Variants in ELL3 observed in about 807,000 individuals in gnomAD.
ELL3 encodes the protein elongation factor for RNA polymerase II 3, also known as RNA polymerase II elongation factor ELL3.
Under a neutral mutation model 58.5 loss-of-function variants are expected in ELL3, and 48 were observed. That is an observed-to-expected ratio of 0.82 (90% confidence interval 0.65 to 1.04). ELL3 has a LOEUF of 1.04. Ranked by LOEUF, ELL3 falls within the 50% of genes least tolerant of loss-of-function variation. The pLI is 0.00. For missense variants in ELL3, 458 were observed against 478.4 expected (o/e 0.96, Z 0.40); for synonymous variants, 174 against 173.2 (o/e 1.00, Z -0.04).
chr15:43,775,289 T>C lies in ELL3; in HGVS notation c.645+17A>G. ...TATTAATGTTACAAAAAAAAAGCCC[T>C]TGCCATTCTAACTTACCTTGTCCAG... On this transcript the variant is annotated intron_variant, in intron 6 of 10. Transcript: ENST00000319359. 6.3e-7 allele frequency: 1 copy of C among 1,578,938 alleles called. No homozygotes were observed. Among genetic ancestry groups the C allele is most frequent in the Non-Finnish European group, 8.6e-7 (1 of 1,164,054 alleles).
In ELL3 at chr15:43,774,296, C is replaced by G; in HGVS notation, c.924G>C (p.Glu308Asp). The change falls in exon 9 of 11, where the codon GAG becomes GAC. Residue 308 changes from glutamate to aspartate, a missense_variant. Physicochemically the swap from Glu to Asp is conservative, Grantham distance 45. Transcript: ENST00000319359. The part of the protein sequence containing the change: ...EQQHAYEQDF[E>D]TDYAEYRILH... ...GGATGCGGTATTCAGCATAATCTGTCTCAAAGTCCTGCTCATAGGCATGTT... is the reference window on the plus strand; with the variant it reads ...GGATGCGGTATTCAGCATAATCTGTGTCAAAGTCCTGCTCATAGGCATGTT... 4 of 1,614,220 alleles carry G rather than the reference C, an allele frequency of 2.5e-6. No homozygotes were observed. The South Asian group carries it at 4.4e-5, about 18-fold the overall frequency.
chr15:43,776,261 G>T (rs2141662757), intron 2 of ELL3, 110 bp from the exon 3 acceptor site: 1 of 1,165,314 alleles, frequency 8.6e-7, no homozygotes. Flanking sequence ...GGTCCCACAG[G>T]GCTTGTTAGC....
chr15:43,776,196 C>A (rs1345399926), intron 2 of ELL3, 45 bp from the exon 3 acceptor site: 1 of 1,539,676 alleles, frequency 6.5e-7, no homozygotes. Flanking sequence ...TCAGCCCCTC[C>A]CCCTCCTGCC....
In ELL3 at chr15:43,776,119, G is replaced by A. The variant is rs1284004204; in HGVS notation, c.201C>T (p.Cys67=). The change falls in exon 3 of 11, where the codon TGC becomes TGT. Residue 67 remains cysteine, a synonymous_variant. Transcript: ENST00000319359. ...YLRLPGPGWS[C]LFSFIVSQCC... ...ACTGGGACACTATGAAGGAGAAGAGGCAGGACCAACCAGGGCCTGGGAGTC... is the reference window on the plus strand; with the variant it reads ...ACTGGGACACTATGAAGGAGAAGAGACAGGACCAACCAGGGCCTGGGAGTC... 1 of 1,614,152 alleles carries A rather than the reference G, an allele frequency of 6.2e-7. No homozygotes were observed. Among genetic ancestry groups the A allele is most frequent in the Admixed American group, 1.7e-5 (1 of 60,018 alleles).
At position 43,776,923 on chromosome 15, in the gene ELL3, C is replaced by T; in HGVS notation, c.-22G>A. 1 of 1,607,558 alleles carries T rather than the reference C, an allele frequency of 6.2e-7. No homozygotes were observed. The highest frequency in any genetic ancestry group is 8.5e-7 in the Non-Finnish European group (1 of 1,179,596). On this transcript the variant is annotated 5_prime_UTR_variant, in exon 1 of 11. Coordinates refer to ENST00000319359, the MANE Select transcript of ELL3 (RefSeq NM_025165.3). ...CCATGGCGACGAGTTCGAGTGCAAG[C>T]AGCACGGGGGCCACAGGCGAGGGCC...
In ELL3 at chr15:43,773,048, T is replaced by C. The variant is rs1384767510; in HGVS notation, c.*68A>G. 7 of 1,395,910 alleles carry C rather than the reference T, an allele frequency of 5.0e-6. No individual in the cohort carries two copies. In the Admixed American group the frequency reaches 1.6e-4, roughly 31 times the overall value. 86.5% of individuals were successfully genotyped at this position (1,395,910 alleles called of 1,614,324 possible). ...AAGAAAAGCAGATAGTTGCATTCTA[T>C]TTAGTTTATAGCTGCTTTGTTCCTT... On this transcript the variant is annotated 3_prime_UTR_variant, in exon 11 of 11. Transcript: ENST00000319359.
At chr15:43,776,242 ACTAAGACGGGTCC>A in intron 2 of ELL3, 91 bp from the exon 3 acceptor site, 1 of 1,273,764 alleles carries the variant, frequency 7.9e-7, no homozygotes, top group South Asian at 1.3e-5. Context: ...CGTAAGTAAG[ACTAAGACGGGTCC>A]CACAGGGCTT....
In ELL3 at chr15:43,776,930, G is replaced by A; in HGVS notation, c.-29C>T. On this transcript the variant is annotated 5_prime_UTR_variant, in exon 1 of 11. Transcript: ENST00000319359. ...GACGAGTTCGAGTGCAAGCAGCACG[G>A]GGGCCACAGGCGAGGGCCACCACCG... 1 of 1,605,838 alleles carries A rather than the reference G, an allele frequency of 6.2e-7. No individual in the cohort carries two copies. The highest frequency in any genetic ancestry group is 8.5e-7 in the Non-Finnish European group (1 of 1,179,278).
Position 43,776,502 on chromosome 15 carries a change from C to T in ELL3, c.168+7G>A. The T allele has an allele frequency of 6.4e-7, 1 of 1,563,692 alleles. No individual in the cohort carries two copies. Among genetic ancestry groups the T allele is most frequent in the Non-Finnish European group, 8.7e-7 (1 of 1,152,614 alleles). On this transcript the variant is annotated splice_region_variant and intron_variant, in intron 2 of 10. Transcript: ENST00000319359. ...ACCTCGCTCACACACCCTGAGCTCG[C>T]ACTTACCCCTCGGTGGCCTTGGAAA... is the stretch of plus-strand genomic sequence containing the variant.
Position 43,775,898 on chromosome 15 carries a change from G to A in ELL3, c.307C>T (p.Leu103=), listed in dbSNP as rs2086911810. ...LRSGPNSLHC[L]GSLRERLIIW... is the part of the protein sequence containing the mutation. ...ATGAGGCGCTCCCTGAGTGAGCCCA[G>A]GCAGTGGAGGCTGTTAGGCCCAGAC... The change falls in exon 4 of 11, where the codon CTG becomes TTG. Residue 103 remains leucine, a synonymous_variant. Transcript: ENST00000319359. 1.2e-6 allele frequency: 2 copies of A among 1,614,044 alleles called. No homozygotes were observed. The highest frequency in any genetic ancestry group is 2.2e-5 in the East Asian group (1 of 44,896).
In ELL3 at chr15:43,776,892, G is replaced by T; in HGVS notation, c.10C>A (p.Leu4Ile). Residue 4 changes from leucine to isoleucine, a missense_variant, in exon 1 of 11, where the codon CTC becomes ATC. Coordinates refer to ENST00000319359, the MANE Select transcript of ELL3 (RefSeq NM_025165.3). ...AGCTGTCCTCTCAGAGGCTCCTGGAGCTCCTCCATGGCGACGAGTTCGAGT... is the reference window on the plus strand; with the variant it reads ...AGCTGTCCTCTCAGAGGCTCCTGGATCTCCTCCATGGCGACGAGTTCGAGT... MEE[L>I]QEPLRGQLRL... The T allele has an allele frequency of 6.2e-7, 1 of 1,610,974 alleles. No individual in the cohort carries two copies. Among genetic ancestry groups the T allele is most frequent in the Non-Finnish European group, 8.5e-7 (1 of 1,179,816 alleles).
chr15:43,775,207 T>A (rs1456792774), intron 6 of ELL3, 99 bp downstream of exon 6: 1 of 1,261,496 alleles, frequency 7.9e-7, no homozygotes, highest in East Asian at 2.5e-5. Flanking sequence ...TTCCAATTTC[T>A]AAATTTTAGC....
rs933111869 is a variant in ELL3 at position 43,776,380 on chromosome 15, T to A, written c.168+129A>T. The A allele has an allele frequency of 1.4e-5, 20 of 1,432,112 alleles. No homozygotes were observed. The East Asian group carries it at 4.5e-4, about 32-fold the overall frequency. 88.7% of individuals were successfully genotyped at this position (1,432,112 alleles called of 1,614,324 possible). On this transcript the variant is annotated intron_variant, in intron 2 of 10. Transcript: ENST00000319359. Reference sequence around the variant, plus strand: ...AGCAGCCTCCTCGCCCCACTTGGAGTTCAGTTATCGGAACTACCTCAGACC... The same window carrying A: ...AGCAGCCTCCTCGCCCCACTTGGAGATCAGTTATCGGAACTACCTCAGACC...
At chr15:43,776,277 A>T in intron 2 of ELL3, 126 bp from the exon 3 acceptor site, 2 of 1,099,054 alleles carry the variant, frequency 1.8e-6, no homozygotes, top group Middle Eastern at 2.0e-4. Flanking sequence ...TTAGCACACC[A>T]GGTGCAGCTG....
rs549026283 is a variant in ELL3, at chr15:43,776,272, A to G, written c.169-121T>C. ...GACGGGTCCCACAGGGCTTGTTAGC[A>G]CACCAGGTGCAGCTGGGCCTGAGTT... On this transcript the variant is annotated intron_variant, in intron 2 of 10. Coordinates refer to ENST00000319359, the MANE Select transcript of ELL3 (RefSeq NM_025165.3). The G allele has an allele frequency of 6.3e-4, 705 of 1,113,970 alleles. 8 individuals are homozygous for G. In the Admixed American group the frequency reaches 7.8e-3, roughly 12 times the overall value. 69.0% of individuals were successfully genotyped at this position (1,113,970 alleles called of 1,614,324 possible).
chr15:43,774,398 A>C, intron 8 of ELL3, 45 bp from the exon 9 acceptor site: 1 of 1,613,650 alleles, frequency 6.2e-7, no homozygotes. Context: ...ATTGCCCCTG[A>C]AAAGCCCCCA....
In ELL3 at chr15:43,776,132, G is replaced by A. The variant is rs756376497; in HGVS notation, c.188C>T (p.Pro63Leu). 1.2e-6 allele frequency: 2 copies of A among 1,614,138 alleles called. No individual in the cohort carries two copies. Among genetic ancestry groups the A allele is most frequent in the African/African-American group, 2.7e-5 (2 of 75,038 alleles). The change falls in exon 3 of 11, where the codon CCT (proline) becomes CTT (leucine). Residue 63 changes from proline to leucine, a missense_variant. Coordinates refer to ENST00000319359, the MANE Select transcript of ELL3 (RefSeq NM_025165.3). Reference sequence around the variant, plus strand: ...GAAGGAGAAGAGGCAGGACCAACCAGGGCCTGGGAGTCTCAGATACTGGGG... The same window carrying A: ...GAAGGAGAAGAGGCAGGACCAACCAAGGCCTGGGAGTCTCAGATACTGGGG... The part of the protein sequence containing the change: ...GHRGYLRLPG[P>L]GWSCLFSFIV...
At position 43,776,366 on chromosome 15, in the gene ELL3, C is replaced by T. The variant is rs565667974; in HGVS notation, c.168+143G>A. 33 of 1,368,112 alleles carry T rather than the reference C, an allele frequency of 2.4e-5. No homozygotes were observed. The African/African-American group carries it at 3.9e-4, about 16-fold the overall frequency. The allele number at this position is 1,368,112 out of a possible 1,614,324, so 84.7% of individuals were successfully genotyped here. A position where few individuals can be genotyped will look rare whatever the true frequency, so the allele number is the denominator to read the frequency against. Reference sequence around the variant, plus strand: ...CCTGGGACAACCCCAGCAGCCTCCTCGCCCCACTTGGAGTTCAGTTATCGG... The same window carrying T: ...CCTGGGACAACCCCAGCAGCCTCCTTGCCCCACTTGGAGTTCAGTTATCGG... On this transcript the variant is annotated intron_variant, in intron 2 of 10. Coordinates refer to ENST00000319359, the MANE Select transcript of ELL3 (RefSeq NM_025165.3).
chr15:43,773,449 T>A, intron 9 of ELL3, 101 bp from the exon 10 acceptor site: 1 of 1,272,790 alleles, frequency 7.9e-7, no homozygotes, highest in Non-Finnish European at 1.1e-6. Context: ...TTTGGGCGGC[T>A]GAGGCAGGCA....
Sources: gnomAD v4.1 joint callset for allele counts on GRCh38, gnomAD v4.1.1 for gene constraint, MANE v1.5 for transcripts, NCBI Gene and HGNC (gene_info 2026-07-23, HGNC 2026-07-21) for gene names.